Variants in MGA observed in about 807,000 individuals in gnomAD.
The protein encoded by MGA is MAX dimerization protein MGA, also known as MAX gene-associated protein.
MGA carries 40 observed loss-of-function variants against 261.1 expected under a neutral mutation model. The ratio of observed to expected loss-of-function variants is 0.15; its 90% CI spans 0.12 to 0.20. The LOEUF is 0.20. Among genes scored for constraint, MGA ranks in the 10% least tolerant of loss-of-function variants. The pLI, the probability that MGA is intolerant of heterozygous loss-of-function variation, is 1.00. For synonymous variants in MGA, 1,302 were observed against 1,290.6 expected (o/e 1.01, Z -0.19); for missense variants, 3,397 against 3,630.5 (o/e 0.94, Z 1.65).
Position 41,729,111 on chromosome 15 carries a change from T to C in MGA, c.3658-53T>C, listed in dbSNP as rs73407244. 510 of 1,524,614 alleles carry C rather than the reference T, an allele frequency of 3.3e-4. 2 individuals are homozygous for C. In the African/African-American group the frequency reaches 5.5e-3, roughly 16 times the overall value. 94.4% of individuals were successfully genotyped at this position (1,524,614 alleles called of 1,614,324 possible). ...ATTAAACATTCGTTTTGTTTTGGAG[T>C]CTAGCGGAGTTTTTCCCACTGTATG... On this transcript the variant is annotated intron_variant, in intron 10 of 23. Coordinates refer to ENST00000219905, the MANE Select transcript of MGA (RefSeq NM_001164273.2).
At chr15:41,665,747 G>T (rs1253954523) in intron 1 of MGA, among the ~76,000 whole-genome samples, 1 of 151,992 alleles carries the variant, frequency 6.6e-6, no homozygotes, top group African/African-American at 2.4e-5. Context: ...ACACCAAAAA[G>T]AAATCCCACA....
chr15:41,745,222 A>C (rs1203700377), intron 15 of MGA, among the ~76,000 whole-genome samples: 3 of 140,782 alleles, frequency 2.1e-5, no homozygotes, highest in Non-Finnish European at 4.5e-5. Flanking sequence ...CCTTCCCTCC[A>C]CTATTGTCCT....
chr15:41,631,744 C>A (rs368708252), intron 1 of MGA, among the ~76,000 whole-genome samples: 2 of 151,742 alleles, frequency 1.3e-5, no homozygotes, highest in Non-Finnish European at 2.9e-5. Context: ...TTAAAGGCAA[C>A]CAACTGAACA....
intron 1 of MGA, among the ~76,000 whole-genome samples, chr15:41,631,200 G>A (rs1050026977): frequency 5.3e-5 from 8 of 152,276 alleles, no homozygotes; most frequent in Admixed American, 4.6e-4. Context: ...AGGGTTATAT[G>A]CAGTCTTATA....
At chr15:41,698,184 T>TC (rs956038566) in intron 3 of MGA, among the ~76,000 whole-genome samples, 18 of 147,418 alleles carry the variant, frequency 1.2e-4, no homozygotes, top group African/African-American at 4.3e-4. Flanking sequence ...TTTTTTTTTT[T>TC]TTTTGAGACG....
intron 2 of MGA, among the ~76,000 whole-genome samples, chr15:41,682,027 C>A (rs1353242944): frequency 6.6e-6 from 1 of 152,118 alleles, no homozygotes; most frequent in Non-Finnish European, 1.5e-5. Context: ...AAGCGATTCT[C>A]TTGCCTCAGC....
chr15:41,661,926 C>T (rs937163229), intron 1 of MGA, among the ~76,000 whole-genome samples: 3 of 152,122 alleles, frequency 2.0e-5, no homozygotes, highest in African/African-American at 7.2e-5. Context: ...GGCACGTGAT[C>T]TGTCGGGACT....
At chr15:41,639,429 A>T (rs933263698) in intron 1 of MGA, among the ~76,000 whole-genome samples, 1 of 151,690 alleles carries the variant, frequency 6.6e-6, no homozygotes, top group Non-Finnish European at 1.5e-5. Flanking sequence ...CTCTTTCCTC[A>T]CAAGCTGATG....
chr15:41,691,460 A>G lies in MGA; in HGVS notation c.1065-4615A>G, dbSNP rs76148082. 40 of 251,064 alleles carry G rather than the reference A, an allele frequency of 1.6e-4. No individual in the cohort carries two copies. In the East Asian group the frequency reaches 3.4e-3, roughly 21 times the overall value. 15.6% of individuals were successfully genotyped at this position (251,064 alleles called of 1,614,324 possible). On this transcript the variant is annotated intron_variant, in intron 2 of 23. Transcript: ENST00000219905. ...GATTCTTTAGTATTTTCCATATACAAGATCATTTACCTGTGAATAGAGATA... is the reference window on the plus strand; with the variant it reads ...GATTCTTTAGTATTTTCCATATACAGGATCATTTACCTGTGAATAGAGATA...
intron 2 of MGA, among the ~76,000 whole-genome samples, chr15:41,693,150 G>A (rs1038764028): frequency 1.3e-5 from 2 of 152,026 alleles, no homozygotes; most frequent in African/African-American, 4.8e-5. Flanking sequence ...TCTATTGGAG[G>A]ATTTTCTTTT....
rs888278995 is a variant in MGA, at chr15:41,766,129, C to T, written c.8047C>T (p.His2683Tyr). The T allele has an allele frequency of 7.4e-6, 12 of 1,613,872 alleles. No homozygotes were observed. Among genetic ancestry groups the T allele is most frequent in the Non-Finnish European group, 1.0e-5 (12 of 1,179,898 alleles). Reference sequence around the variant, plus strand: ...AGTTCCTGATAGCAAGCCATCTGACCATCTGAAAGACACCGTCAGGAATGA... The same window carrying T: ...AGTTCCTGATAGCAAGCCATCTGACTATCTGAAAGACACCGTCAGGAATGA... The change falls in exon 24 of 24, where the codon CAT (histidine) becomes TAT (tyrosine). Residue 2683 changes from histidine (H) to tyrosine (Y), a missense_variant. This residue lies in a region of MGA where 647 missense variants were observed against 642.4 expected (regional missense o/e 1.01). Coordinates refer to ENST00000219905, the MANE Select transcript of MGA (RefSeq NM_001164273.2).
Position 41,669,640 on chromosome 15 carries a change from T to C in MGA, c.746T>C (p.Ile249Thr). The C allele has an allele frequency of 6.2e-7, 1 of 1,613,858 alleles. No homozygotes were observed. The change falls in exon 2 of 24, where the codon ATA becomes ACA. Residue 249 changes from isoleucine (I) to threonine (T), a missense_variant. Ile to Thr is a moderately conservative substitution (Grantham distance 89). Around this residue, in one of 9 missense-constraint regions of MGA, gnomAD observed 563 missense variants for 563.6 expected, o/e 1.00. Coordinates refer to ENST00000219905, the MANE Select transcript of MGA (RefSeq NM_001164273.2). ...AACATTCAGATTACTCAGCTGAAAA[T>C]AGATTACAATCCATTTGCCAAAGGC...
intron 15 of MGA, among the ~76,000 whole-genome samples, chr15:41,748,232 A>T (rs1450638630): frequency 1.3e-5 from 2 of 151,264 alleles, no homozygotes; most frequent in Non-Finnish European, 2.9e-5. Context: ...ACTGAAGGTG[A>T]CAAGTGCAAC....
At position 41,757,858 on chromosome 15, in the gene MGA, G is replaced by A. The variant is rs1446985414; in HGVS notation, c.7191+19G>A. On this transcript the variant is annotated intron_variant, in intron 19 of 23. Coordinates refer to ENST00000219905, the MANE Select transcript of MGA (RefSeq NM_001164273.2). ...TCGAAAGGTATTTAGGATATATTTA[G>A]TGATAATTACTCATTGAATAAAATT... 1 of 1,574,314 alleles carries A rather than the reference G, an allele frequency of 6.4e-7. No individual in the cohort carries two copies. The highest frequency in any genetic ancestry group is 1.1e-5 in the South Asian group (1 of 89,452).
chr15:41,656,889 A>C (rs2057213784), upstream of MGA, among the ~76,000 whole-genome samples: 1 of 151,924 alleles, frequency 6.6e-6, no homozygotes, highest in African/African-American at 2.4e-5. Context: ...CATTTCTCTC[A>C]CTTCAGCCTC....
chr15:41,668,742 C>T (rs1266306323), intron 1 of MGA, 86 bp from the exon 2 acceptor site: 3 of 506,128 alleles, frequency 5.9e-6, no homozygotes, highest in South Asian at 5.2e-5. Context: ...ATAACATAAT[C>T]GTTCTTGTAT....
chr15:41,633,940 A>G (rs1376083362), intron 1 of MGA, among the ~76,000 whole-genome samples: 1 of 151,990 alleles, frequency 6.6e-6, no homozygotes, highest in African/African-American at 2.4e-5. Flanking sequence ...TCCCTTCCTT[A>G]ATCTCTGCTC....
chr15:41,663,591 TC>T (rs1239465413), intron 1 of MGA, among the ~76,000 whole-genome samples: 1 of 151,824 alleles, frequency 6.6e-6, no homozygotes, highest in Non-Finnish European at 1.5e-5. Flanking sequence ...TGCCTCATCC[TC>T]CCGAGTAGCT....
chr15:41,704,485 T>C (rs1057353138), intron 5 of MGA, among the ~76,000 whole-genome samples: 4 of 152,152 alleles, frequency 2.6e-5, no homozygotes, highest in African/African-American at 4.8e-5. Flanking sequence ...GGTGAAACCC[T>C]GTCTCTACTA....
Sources: allele counts gnomAD v4.1 joint callset (sites outside exome capture counted in the v4.1 genomes callset), GRCh38; gene constraint gnomAD v4.1.1; regional missense constraint gnomAD v4.1.1; transcripts MANE v1.5; gene names NCBI Gene and HGNC (gene_info 2026-07-23, HGNC 2026-07-21).